ATE1: variants seen among roughly 807,000 people sequenced by gnomAD.
ATE1 encodes arginyltransferase 1, also known as arginyl-tRNA--protein transferase 1.
A neutral mutation model predicts 70.5 loss-of-function variants in ATE1; 36 were observed. The ratio of observed to expected loss-of-function variants is 0.51; its 90% CI spans 0.39 to 0.67. ATE1 has a LOEUF of 0.67. ATE1 is among the 30% of genes least tolerant of loss of function. ATE1 has a pLI of 0.00. For missense variants in ATE1, 593 were observed against 629.5 expected (o/e 0.94, Z 0.62); for synonymous variants, 232 against 219.3 (o/e 1.06, Z -0.51).
intron 7 of ATE1, chr10:121,898,754 C>T (rs1314751320): frequency 2.0e-6 from 3 of 1,483,444 alleles, no homozygotes; most frequent in Middle Eastern, 1.8e-4. Context: ...CTGAAAGGGT[C>T]ATCAGCTCCA....
chr10:121,864,328 G>A (rs1949583762), intron 8 of ATE1, among the ~76,000 whole-genome samples: 1 of 152,130 alleles, frequency 6.6e-6, no homozygotes, highest in East Asian at 1.9e-4. Flanking sequence ...CCCTCACATG[G>A]GCAGTTCACA....
In ATE1 at chr10:121,772,981, T is replaced by C. The variant is rs1945584560; in HGVS notation, c.1378+17188A>G. 1.3e-5 allele frequency among the ~76,000 whole-genome samples: 2 copies of C among 152,228 alleles called. 1 individual carries two copies. The highest frequency in any genetic ancestry group is 4.1e-4 in the South Asian group (2 of 4,834). On this transcript the variant is annotated intron_variant, in intron 11 of 11. Transcript: ENST00000224652. ...GTTCTAAAGAGAATAAGCTTTGCTA[T>C]GTTCTGCTCAGAGGAAGGAATGTTT...
intron 5 of ATE1, among the ~76,000 whole-genome samples, chr10:121,906,914 T>C (rs1168931844): frequency 6.6e-6 from 1 of 152,068 alleles, no homozygotes; most frequent in East Asian, 1.9e-4. Context: ...CAAGGATTTT[T>C]AAATAGTCTC....
rs1174978881 is a variant in ATE1 at position 121,740,807 on chromosome 10, A to G, written c.*2873T>C. 1 of 152,234 alleles carries G rather than the reference A, an allele frequency of 6.6e-6. No homozygotes were observed. Among genetic ancestry groups the G allele is most frequent in the African/African-American group, 2.4e-5 (1 of 41,470 alleles). 9.4% of individuals were successfully genotyped at this position (152,234 alleles called of 1,614,324 possible). A position where few individuals can be genotyped will look rare whatever the true frequency, so the allele number is the denominator to read the frequency against. ...AACAAATATTTGCAAAATGAATGAA[A>G]AATAGGATAAAGCTATTTAAAAGTC... On this transcript the variant is annotated 3_prime_UTR_variant, in exon 12 of 12. Transcript: ENST00000224652.
chr10:121,921,613 C>A (rs1951884061), intron 3 of ATE1, among the ~76,000 whole-genome samples: 1 of 152,040 alleles, frequency 6.6e-6, no homozygotes, highest in Non-Finnish European at 1.5e-5. Flanking sequence ...TAGGCCTGAA[C>A]TGCAGCTGCC....
At chr10:121,891,752 T>C (rs1191890649) in intron 7 of ATE1, among the ~76,000 whole-genome samples, 1 of 152,250 alleles carries the variant, frequency 6.6e-6, no homozygotes, top group East Asian at 1.9e-4. Context: ...CTGGATTTTA[T>C]GCACTAATGT....
rs144924491 is a variant in ATE1, at chr10:121,908,912, C to T, written c.583+1994G>A. On this transcript the variant is annotated intron_variant, in intron 5 of 11. Transcript: ENST00000224652. ...AACTGCAAACGTAACCTGTCAGATACAGAAAGTGGAACAAACAACCCAAGA... is the reference window on the plus strand; with the variant it reads ...AACTGCAAACGTAACCTGTCAGATATAGAAAGTGGAACAAACAACCCAAGA... 5.8e-4 allele frequency among the ~76,000 whole-genome samples: 88 copies of T among 152,284 alleles called. No homozygotes were observed. In the East Asian group the frequency reaches 0.015, roughly 26 times the overall value.
intron 10 of ATE1, among the ~76,000 whole-genome samples, chr10:121,821,256 C>T (rs1947786880): frequency 6.6e-6 from 1 of 152,108 alleles, no homozygotes; most frequent in South Asian, 2.1e-4. Flanking sequence ...GAAAACATTT[C>T]CATGGCCATA....
intron 5 of ATE1, among the ~76,000 whole-genome samples, chr10:121,903,916 T>C (rs1039200189): frequency 1.3e-5 from 2 of 151,938 alleles, no homozygotes; most frequent in Non-Finnish European, 2.9e-5. Flanking sequence ...GTAACAGTCA[T>C]TTTACTTTGT....
At position 121,899,937 on chromosome 10, in the gene ATE1, A is replaced by C. The variant is rs1224277045; in HGVS notation, c.871T>G (p.Ser291Ala). Reference protein sequence around the residue: ...SSQFKATLLESYQVYKRYQMV... With the variant: ...SSQFKATLLEAYQVYKRYQMV... Reference sequence around the variant, plus strand: ...TGGTAACGTTTATAGACCTGGTAAGACTCCAGAAGTGTGGCTTTGAACTGC... The same window carrying C: ...TGGTAACGTTTATAGACCTGGTAAGCCTCCAGAAGTGTGGCTTTGAACTGC... The change falls in exon 7 of 12, where the codon TCT (serine) becomes GCT (alanine). Residue 291 changes from serine (S) to alanine (A), a missense_variant. Physicochemically the swap from Ser to Ala is moderately conservative, Grantham distance 99. Around this residue, in one of 3 missense-constraint regions of ATE1, gnomAD observed 467 missense variants for 469.6 expected, o/e 0.99. Coordinates refer to ENST00000224652, the MANE Select transcript of ATE1 (RefSeq NM_001001976.3). The C allele has an allele frequency of 6.2e-7, 1 of 1,613,904 alleles. No homozygotes were observed.
At chr10:121,927,007 A>C in intron 1 of ATE1, 1 of 985,460 alleles carries the variant, frequency 1.0e-6, no homozygotes, top group South Asian at 4.7e-5. Flanking sequence ...TTTTTCATGG[A>C]AAATGCCTGT....
At chr10:121,872,342 T>C (rs1949890535) in intron 7 of ATE1, among the ~76,000 whole-genome samples, 1 of 152,182 alleles carries the variant, frequency 6.6e-6, no homozygotes, top group African/African-American at 2.4e-5. Flanking sequence ...AAAATTCTCA[T>C]CCTGTTTGAA....
chr10:121,862,532 ATTT>A (rs35130703), intron 8 of ATE1, among the ~76,000 whole-genome samples: 1 of 105,380 alleles, frequency 9.5e-6, no homozygotes, highest in Admixed American at 1.2e-4. Context: ...AATTTTTTTA[ATTT>A]TTTTTTTTTT....
At chr10:121,749,922 T>C (rs745367146) in intron 11 of ATE1, among the ~76,000 whole-genome samples, 6 of 152,238 alleles carry the variant, frequency 3.9e-5, no homozygotes, top group Non-Finnish European at 7.3e-5. Flanking sequence ...CTTGAAAAAC[T>C]ACTGATTATC....
chr10:121,919,645 G>A (rs1951801175), intron 3 of ATE1, among the ~76,000 whole-genome samples: 1 of 152,078 alleles, frequency 6.6e-6, no homozygotes, highest in South Asian at 2.1e-4. Context: ...GCTGGGCATG[G>A]TGGCTCACGC....
chr10:121,843,215 C>A (rs1409004026), intron 8 of ATE1, among the ~76,000 whole-genome samples: 1 of 151,908 alleles, frequency 6.6e-6, no homozygotes. Flanking sequence ...TGCAATACAA[C>A]AAAAAATGAA....
intron 10 of ATE1, among the ~76,000 whole-genome samples, chr10:121,802,828 T>C (rs546858577): frequency 6.6e-6 from 1 of 152,296 alleles, no homozygotes; most frequent in East Asian, 1.9e-4. Context: ...GTCCTGGGCA[T>C]GCCATGGTGA....
intron 10 of ATE1, among the ~76,000 whole-genome samples, chr10:121,817,538 C>A (rs1206850441): frequency 1.8e-3 from 262 of 143,070 alleles, no homozygotes; most frequent in Middle Eastern, 3.6e-3. Flanking sequence ...GACTCTGTCT[C>A]AAAAAAAAAA....
intron 8 of ATE1, among the ~76,000 whole-genome samples, chr10:121,861,558 C>A (rs1370673508): frequency 7.3e-6 from 1 of 136,208 alleles, no homozygotes; most frequent in Admixed American, 8.7e-5. Context: ...CACATGGACA[C>A]AGGAAGGGGA....
Sources: gnomAD v4.1 joint callset for allele counts (sites outside exome capture counted in the v4.1 genomes callset) on GRCh38, gnomAD v4.1.1 for gene constraint, gnomAD v4.1.1 regional missense constraint, MANE v1.5 for transcripts, NCBI Gene and HGNC (gene_info 2026-07-23, HGNC 2026-07-21) for gene names.